CCDC178: variants seen among roughly 807,000 people sequenced by gnomAD.
CCDC178 encodes the protein coiled-coil domain-containing protein 178.
In CCDC178, 126 loss-of-function variants were observed where a neutral mutation model predicts 117.4. The observed-to-expected ratio is 1.07, with a 90% confidence interval of 0.93 to 1.24. The LOEUF (loss-of-function observed/expected upper bound fraction) is 1.24, where lower values mean the gene tolerates loss of function less well. CCDC178 is among the 50% of genes most tolerant of loss of function. The pLI, the probability that CCDC178 is intolerant of heterozygous loss-of-function variation, is 0.00. For missense variants in CCDC178, 1,030 were observed against 986.9 expected (o/e 1.04, Z -0.59); for synonymous variants, 283 against 313.4 (o/e 0.90, Z 1.02).
chr18:33,398,375 A>T (rs921946555), intron 3 of CCDC178, among the ~76,000 whole-genome samples: 12 of 152,176 alleles, frequency 7.9e-5, no homozygotes, highest in Non-Finnish European at 1.0e-4. Flanking sequence ...AGAAATTTTT[A>T]AAAAATTTAG....
chr18:33,356,078 T>C (rs2144712900), intron 7 of CCDC178, among the ~76,000 whole-genome samples: 1 of 152,316 alleles, frequency 6.6e-6, no homozygotes, highest in African/African-American at 2.4e-5. Flanking sequence ...TAAAAGTCGA[T>C]TCTGACTGAT....
chr18:33,427,785 C>T (rs1033311914), intron 2 of CCDC178, among the ~76,000 whole-genome samples: 1 of 152,168 alleles, frequency 6.6e-6, no homozygotes, highest in Non-Finnish European at 1.5e-5. Flanking sequence ...GAGCCTTTCA[C>T]CTTCTGGTAA....
chr18:33,053,917 C>T (rs149973976), intron 21 of CCDC178, among the ~76,000 whole-genome samples: 9 of 152,186 alleles, frequency 5.9e-5, no homozygotes, highest in East Asian at 5.8e-4. Context: ...ATAATAAGTA[C>T]ATAAAATCCT....
intron 11 of CCDC178, among the ~76,000 whole-genome samples, chr18:33,307,028 C>T (rs1382706269): frequency 2.0e-5 from 3 of 152,148 alleles, no homozygotes; most frequent in East Asian, 3.9e-4. Flanking sequence ...GAGTCAGTTA[C>T]ATCTCTTTCC....
chr18:33,096,785 T>C (rs551309841), intron 20 of CCDC178, among the ~76,000 whole-genome samples: 1 of 152,200 alleles, frequency 6.6e-6, no homozygotes, highest in South Asian at 2.1e-4. Flanking sequence ...GTATTAGTTA[T>C]ACTGTGTTAC....
chr18:32,954,278 T>C (rs978303310), intron 22 of CCDC178, among the ~76,000 whole-genome samples: 9 of 152,154 alleles, frequency 5.9e-5, no homozygotes, highest in South Asian at 2.1e-4. Flanking sequence ...TTAAAACGTA[T>C]GCCCTCTAAG....
At chr18:33,397,736 T>C (rs1264993048) in intron 3 of CCDC178, among the ~76,000 whole-genome samples, 4 of 152,098 alleles carry the variant, frequency 2.6e-5, no homozygotes, top group African/African-American at 9.7e-5. Flanking sequence ...AGAGTTTACA[T>C]ACATGTGACA....
chr18:33,272,175 C>T (rs1314763914), intron 12 of CCDC178, among the ~76,000 whole-genome samples: 1 of 150,950 alleles, frequency 6.6e-6, no homozygotes, highest in Admixed American at 6.6e-5. Context: ...TATACACTAA[C>T]CAAGAAAAAA....
At chr18:33,043,712 A>C (rs2056591052) in intron 21 of CCDC178, among the ~76,000 whole-genome samples, 1 of 151,994 alleles carries the variant, frequency 6.6e-6, no homozygotes, top group African/African-American at 2.4e-5. Context: ...AAGGGGCCTG[A>C]GTTGTAACCA....
At chr18:33,167,511 T>C (rs1316604566) in intron 20 of CCDC178, among the ~76,000 whole-genome samples, 1 of 152,126 alleles carries the variant, frequency 6.6e-6, no homozygotes, top group East Asian at 1.9e-4. Context: ...CTCTAATGAC[T>C]AGTGATGTTG....
intron 20 of CCDC178, among the ~76,000 whole-genome samples, chr18:33,108,334 T>A (rs941530738): frequency 1.3e-4 from 19 of 151,808 alleles, no homozygotes; most frequent in Non-Finnish European, 2.4e-4. Flanking sequence ...ATCTTAATTT[T>A]AAAAAATTAT....
chr18:33,055,498 C>T (rs1021781401), intron 21 of CCDC178, among the ~76,000 whole-genome samples: 4 of 151,854 alleles, frequency 2.6e-5, no homozygotes, highest in East Asian at 1.9e-4. Context: ...CACCATGCCC[C>T]GCTAATTTTT....
chr18:33,063,670 T>C (rs928287692), intron 21 of CCDC178, among the ~76,000 whole-genome samples: 1 of 152,142 alleles, frequency 6.6e-6, no homozygotes, highest in African/African-American at 2.4e-5. Flanking sequence ...CCTTTGCTGC[T>C]ACTGCTGGCA....
chr18:33,032,793 G>C (rs1372674327), intron 21 of CCDC178, among the ~76,000 whole-genome samples: 2 of 152,004 alleles, frequency 1.3e-5, no homozygotes, highest in Non-Finnish European at 2.9e-5. Flanking sequence ...CAAATGCAAA[G>C]GTTGGCTACA....
At chr18:33,238,654 T>C (rs992477703) in intron 15 of CCDC178, among the ~76,000 whole-genome samples, 29 of 152,094 alleles carry the variant, frequency 1.9e-4, no homozygotes, top group African/African-American at 6.5e-4. Flanking sequence ...TAAATGAACA[T>C]ACATTTGTAT....
At chr18:33,431,360 T>C (rs1035566628) in intron 2 of CCDC178, among the ~76,000 whole-genome samples, 7 of 151,902 alleles carry the variant, frequency 4.6e-5, no homozygotes, top group Non-Finnish European at 1.0e-4. Flanking sequence ...TTCTCAATTA[T>C]AAACATAATA....
intron 20 of CCDC178, among the ~76,000 whole-genome samples, chr18:33,186,632 G>T (rs2058797682): frequency 6.6e-6 from 1 of 152,018 alleles, no homozygotes; most frequent in African/African-American, 2.4e-5. Flanking sequence ...TTATGTTGGG[G>T]TATTGAGATT....
intron 20 of CCDC178, among the ~76,000 whole-genome samples, chr18:33,171,334 C>T (rs1475842853): frequency 6.6e-6 from 1 of 152,134 alleles, no homozygotes; most frequent in East Asian, 1.9e-4. Flanking sequence ...GATACTTACA[C>T]CTGACAAAAA....
intron 20 of CCDC178, among the ~76,000 whole-genome samples, chr18:33,103,625 C>CA (rs2057661846): frequency 6.6e-6 from 1 of 151,294 alleles, no homozygotes; most frequent in Admixed American, 6.6e-5. Flanking sequence ...TAAGTACTCT[C>CA]AAAATGGACT....
Sources: allele counts gnomAD v4.1 joint callset (sites outside exome capture counted in the v4.1 genomes callset), GRCh38; gene constraint gnomAD v4.1.1; transcripts MANE v1.5; gene names NCBI Gene and HGNC (gene_info 2026-07-23, HGNC 2026-07-21).